ZC2HC1B: variants seen among roughly 807,000 people sequenced by gnomAD.
The protein encoded by ZC2HC1B is zinc finger C2HC domain-containing protein 1B.
Under a neutral mutation model 31.0 loss-of-function variants are expected in ZC2HC1B, and 36 were observed. The ratio of observed to expected loss-of-function variants is 1.16; its 90% CI spans 0.89 to 1.54. The LOEUF is 1.54. ZC2HC1B is among the 40% of genes most tolerant of loss of function. The pLI is 0.00. For missense variants in ZC2HC1B, 260 were observed against 268.6 expected (o/e 0.97, Z 0.22); for synonymous variants, 73 against 88.0 (o/e 0.83, Z 0.95).
chr6:143,907,177 A>G (rs977552886), intron 6 of ZC2HC1B, among the ~76,000 whole-genome samples: 3 of 152,204 alleles, frequency 2.0e-5, no homozygotes, highest in African/African-American at 7.2e-5. Context: ...TATCCAGTCT[A>G]TCACTGATGG....
At position 143,918,009 on chromosome 6, in the gene ZC2HC1B, C is replaced by T. The variant is rs1428943375; in HGVS notation, c.598+14857C>T. On this transcript the variant is annotated intron_variant, in intron 6 of 7. Coordinates refer to ENST00000237275, the MANE Select transcript of ZC2HC1B (RefSeq NM_001013623.3). This position sits in a 1 kb window ranked among gnomAD's most constrained non-coding sequence, Gnocchi z 4.1. ...CTTTTATAATTGTCCATGCATTTAC[C>T]TTTATTGAGATTTTGATTTCTTCAT... is the stretch of plus-strand genomic sequence containing the variant. 6.6e-6 allele frequency among the ~76,000 whole-genome samples: 1 copy of T among 152,166 alleles called. No individual in the cohort carries two copies. The highest frequency in any genetic ancestry group is 2.4e-5 in the African/African-American group (1 of 41,462).
chr6:143,868,857 G>A lies in ZC2HC1B; in HGVS notation c.28+4290G>A, dbSNP rs557617243. Among the ~76,000 whole-genome samples the A allele has an allele frequency of 2.1e-4, 32 of 152,248 alleles. No homozygotes were observed. Among genetic ancestry groups the A allele is most frequent in the East Asian group, 1.7e-3 (9 of 5,194 alleles). On this transcript the variant is annotated intron_variant, in intron 1 of 7. Coordinates refer to ENST00000237275, the MANE Select transcript of ZC2HC1B (RefSeq NM_001013623.3). This position sits in a 1 kb window ranked among gnomAD's most constrained non-coding sequence, Gnocchi z 4.2. ...GTTAACAATTCTTAAATGCTGATGC[G>A]AAGTCAATAAATCTTATGTCACATG...
rs1050870188 is a variant in ZC2HC1B, at chr6:143,902,958, A to G, written c.490-86A>G. 63 of 1,237,206 alleles carry G rather than the reference A, an allele frequency of 5.1e-5. 3 individuals carry two copies. The highest frequency in any genetic ancestry group is 1.1e-6 in the Non-Finnish European group (1 of 872,004). 76.6% of individuals were successfully genotyped at this position (1,237,206 alleles called of 1,614,324 possible). A position where few individuals can be genotyped will look rare whatever the true frequency, so the allele number is the denominator to read the frequency against. On this transcript the variant is annotated intron_variant, in intron 5 of 7. Coordinates refer to ENST00000237275, the MANE Select transcript of ZC2HC1B (RefSeq NM_001013623.3). ...AGATGATACCATTCTGCTGCTGGTT[A>G]AGTGGGAACAGCTGTACCTCCTATG...
intron 6 of ZC2HC1B, among the ~76,000 whole-genome samples, chr6:143,929,624 T>C (rs929358760): frequency 6.6e-6 from 1 of 152,242 alleles, no homozygotes; most frequent in African/African-American, 2.4e-5. Flanking sequence ...TTCAGTGTTT[T>C]GGGACAGTTT....
chr6:143,890,895 C>T (rs951000313), intron 4 of ZC2HC1B, among the ~76,000 whole-genome samples: 9 of 151,874 alleles, frequency 5.9e-5, no homozygotes, highest in East Asian at 1.9e-4. Flanking sequence ...TTTGGGAGGC[C>T]GAGGCAGGTG....
At chr6:143,879,771 T>A (rs1351145235) in intron 1 of ZC2HC1B, among the ~76,000 whole-genome samples, 1 of 150,158 alleles carries the variant, frequency 6.7e-6, no homozygotes, top group Non-Finnish European at 1.5e-5. Context: ...CATGCTTCTT[T>A]GTAATGTTTG....
intron 4 of ZC2HC1B, among the ~76,000 whole-genome samples, chr6:143,890,789 T>C (rs1777591453): frequency 6.6e-6 from 1 of 152,146 alleles, no homozygotes; most frequent in Non-Finnish European, 1.5e-5. Flanking sequence ...ATATAAGGTA[T>C]AAACAAGTGA....
chr6:143,914,826 GCT>G (rs1163949825), intron 6 of ZC2HC1B, among the ~76,000 whole-genome samples: 7 of 152,028 alleles, frequency 4.6e-5, no homozygotes, highest in Admixed American at 1.3e-4. Flanking sequence ...AGTGGCCTCT[GCT>G]CTCTCTGGTT....
rs1167280982 is a variant in ZC2HC1B, at chr6:143,913,550, C to T, written c.598+10398C>T. ...TTCTGCCCCTTCCTAGGGATATATG[C>T]AGACCACCTACCTTGCCTGTGTTGC... On this transcript the variant is annotated intron_variant, in intron 6 of 7. Transcript: ENST00000237275. This position sits in a 1 kb window ranked among gnomAD's most constrained non-coding sequence, Gnocchi z 5.7. Among the ~76,000 whole-genome samples, 1 of 152,196 alleles carries T rather than the reference C, an allele frequency of 6.6e-6. No homozygotes were observed. Among genetic ancestry groups the T allele is most frequent in the African/African-American group, 2.4e-5 (1 of 41,456 alleles).
intron 1 of ZC2HC1B, 114 bp downstream of exon 1, chr6:143,864,681 T>A: frequency 8.8e-7 from 1 of 1,139,018 alleles, no homozygotes; most frequent in Non-Finnish European, 1.3e-6. Context: ...GTGATCCGTT[T>A]AAATCTAAGT....
intron 6 of ZC2HC1B, among the ~76,000 whole-genome samples, chr6:143,910,539 T>C (rs1028051767): frequency 2.6e-5 from 4 of 152,204 alleles, no homozygotes; most frequent in Non-Finnish European, 5.9e-5. Flanking sequence ...TCTGTCTTGA[T>C]GATCTGTCTA....
chr6:143,909,244 A>G (rs1777831633), intron 6 of ZC2HC1B, among the ~76,000 whole-genome samples: 1 of 151,896 alleles, frequency 6.6e-6, no homozygotes, highest in Non-Finnish European at 1.5e-5. Context: ...TTGGTTGTGT[A>G]TCTCTGACAG....
At position 143,922,945 on chromosome 6, in the gene ZC2HC1B, G is replaced by C. The variant is rs1022925556; in HGVS notation, c.599-14704G>C. On this transcript the variant is annotated intron_variant, in intron 6 of 7. Transcript: ENST00000237275. This position sits in a 1 kb window ranked among gnomAD's most constrained non-coding sequence, Gnocchi z 5.0. ...AAACTTCATTCTGTCTTCTGCAAGG[G>C]CTGTACTAATTTACTTTCCAACCAA... Among the ~76,000 whole-genome samples the C allele has an allele frequency of 6.6e-6, 1 of 152,036 alleles. No homozygotes were observed. Among genetic ancestry groups the C allele is most frequent in the East Asian group, 1.9e-4 (1 of 5,198 alleles).
At position 143,921,672 on chromosome 6, in the gene ZC2HC1B, A is replaced by G. The variant is rs11759546; in HGVS notation, c.599-15977A>G. Among the ~76,000 whole-genome samples, 175 of 152,326 alleles carry G rather than the reference A, an allele frequency of 1.1e-3. 3 individuals carry two copies. The highest frequency in any genetic ancestry group is 1.2e-4 in the Non-Finnish European group (8 of 68,030). ...TGGCTGGGTGTGGTGGCTCACATTT[A>G]TAATCCCGGTGCTTTGGGAGGCCAA... On this transcript the variant is annotated intron_variant, in intron 6 of 7. Coordinates refer to ENST00000237275, the MANE Select transcript of ZC2HC1B (RefSeq NM_001013623.3). The surrounding 1 kb of genome is among the most constrained non-coding windows in gnomAD (Gnocchi z 6.1).
chr6:143,875,150 T>G (rs960585463), intron 1 of ZC2HC1B, among the ~76,000 whole-genome samples: 2 of 152,160 alleles, frequency 1.3e-5, no homozygotes, highest in Non-Finnish European at 2.9e-5. Context: ...CCCATTGTTT[T>G]TAAATTTTGT....
intron 6 of ZC2HC1B, among the ~76,000 whole-genome samples, chr6:143,907,471 T>C (rs1462109362): frequency 6.6e-6 from 1 of 152,242 alleles, no homozygotes; most frequent in African/African-American, 2.4e-5. Flanking sequence ...ATAATAGCTA[T>C]TCTGATTGGT....
rs567537338 is a variant in ZC2HC1B, at chr6:143,890,903, G to A, written c.349+4082G>A. Among the ~76,000 whole-genome samples the A allele has an allele frequency of 1.1e-4, 16 of 152,158 alleles. No homozygotes were observed. In the South Asian group the frequency reaches 3.3e-3, roughly 32 times the overall value. Reference sequence around the variant, plus strand: ...CCAGCACTTTGGGAGGCCGAGGCAGGTGGATCACGAGGTCAGGTGTTCGAG... The same window carrying A: ...CCAGCACTTTGGGAGGCCGAGGCAGATGGATCACGAGGTCAGGTGTTCGAG... On this transcript the variant is annotated intron_variant, in intron 4 of 7. Transcript: ENST00000237275.
intron 6 of ZC2HC1B, among the ~76,000 whole-genome samples, chr6:143,919,184 A>C (rs1777955497): frequency 6.7e-6 from 1 of 149,912 alleles, no homozygotes; most frequent in Admixed American, 6.7e-5. Context: ...TGTGGAAATT[A>C]GATATTCTCC....
At position 143,885,672 on chromosome 6, in the gene ZC2HC1B, G is replaced by A. The variant is rs539695543; in HGVS notation, c.91-360G>A. Among the ~76,000 whole-genome samples, 143 of 152,302 alleles carry A rather than the reference G, an allele frequency of 9.4e-4. 2 individuals carry two copies. The highest frequency in any genetic ancestry group is 1.6e-3 in the Non-Finnish European group (106 of 68,026). Reference sequence around the variant, plus strand: ...GCACATTTTATACAGGTGGTACACAGGGAAAGCTCTGCATGTTAGCTCTTC... The same window carrying A: ...GCACATTTTATACAGGTGGTACACAAGGAAAGCTCTGCATGTTAGCTCTTC... On this transcript the variant is annotated intron_variant, in intron 2 of 7. Transcript: ENST00000237275. The surrounding 1 kb of genome is among the most constrained non-coding windows in gnomAD (Gnocchi z 4.2).
Sources: gnomAD v4.1 joint callset for allele counts (sites outside exome capture counted in the v4.1 genomes callset) on GRCh38, gnomAD v4.1.1 for gene constraint, Gnocchi (gnomAD v3.1) non-coding constraint, MANE v1.5 for transcripts, NCBI Gene and HGNC (gene_info 2026-07-23, HGNC 2026-07-21) for gene names.